Variants in ADCK1 observed in about 807,000 individuals in gnomAD.
The protein encoded by ADCK1 is aarF domain-containing protein kinase 1.
ADCK1 carries 41 observed loss-of-function variants against 52.3 expected under a neutral mutation model. That is an observed-to-expected ratio of 0.78 (90% CI 0.61 to 1.02). ADCK1 has a LOEUF of 1.02. Among genes scored for constraint, ADCK1 ranks in the 50% least tolerant of loss-of-function variants. The pLI is 0.00. For synonymous variants in ADCK1, 250 were observed against 274.6 expected, an observed-to-expected ratio of 0.91 and a Z score of 0.89; for missense variants, 658 against 679.5, an observed-to-expected ratio of 0.97 and a Z score of 0.35.
chr14:77,883,967 T>G (rs956044784), intron 4 of ADCK1, among the ~76,000 whole-genome samples: 1 of 152,200 alleles, frequency 6.6e-6, no homozygotes, highest in African/African-American at 2.4e-5. Context: ...CCTCTCGCCC[T>G]GGAGATTAGG....
intron 3 of ADCK1, among the ~76,000 whole-genome samples, chr14:77,828,549 A>G (rs1462589005): frequency 1.3e-5 from 2 of 152,126 alleles, no homozygotes; most frequent in Non-Finnish European, 2.9e-5. Flanking sequence ...TGTTATTATT[A>G]TTAAGATGGA....
chr14:77,813,139 A>T (rs2081369953), intron 1 of ADCK1, among the ~76,000 whole-genome samples: 1 of 150,380 alleles, frequency 6.6e-6, no homozygotes. Context: ...AGTAGCTGGG[A>T]TTATAGGCAT....
At chr14:77,861,777 C>A (rs1234120019) in intron 4 of ADCK1, among the ~76,000 whole-genome samples, 2 of 152,200 alleles carry the variant, frequency 1.3e-5, no homozygotes, top group Non-Finnish European at 2.9e-5. Flanking sequence ...TCAGACCCAT[C>A]CCTGTTGCAG....
chr14:77,857,109 T>C (rs893726173), intron 3 of ADCK1, among the ~76,000 whole-genome samples: 1 of 152,106 alleles, frequency 6.6e-6, no homozygotes, highest in Admixed American at 6.6e-5. Flanking sequence ...GGATGGGCCC[T>C]CTGGCTGCTG....
chr14:77,886,788 T>A (rs2083157150), intron 4 of ADCK1, among the ~76,000 whole-genome samples: 1 of 151,944 alleles, frequency 6.6e-6, no homozygotes, highest in African/African-American at 2.4e-5. Flanking sequence ...ACACCTGTAA[T>A]CCCAGCTACT....
chr14:77,910,964 G>C (rs971345279), intron 7 of ADCK1, among the ~76,000 whole-genome samples: 2 of 152,082 alleles, frequency 1.3e-5, no homozygotes, highest in Non-Finnish European at 2.9e-5. Flanking sequence ...ACCCTAGATT[G>C]GCCTCTACCA....
chr14:77,826,194 G>A lies in ADCK1; in HGVS notation c.219+3676G>A, dbSNP rs73319430. 9.6e-3 allele frequency among the ~76,000 whole-genome samples: 1,458 copies of A among 152,350 alleles called. 17 individuals are homozygous for A. Among genetic ancestry groups the A allele is most frequent in the African/African-American group, 0.033 (1,384 of 41,572 alleles). ...GTCTCTGGGAGTTGTGCCTGGGAAG[G>A]GGGAGCTGGCTGGCACTAAGAGCAT... On this transcript the variant is annotated intron_variant, in intron 3 of 10. Coordinates refer to ENST00000238561, the MANE Select transcript of ADCK1 (RefSeq NM_020421.4).
At chr14:77,822,329 C>T (rs989786881) in intron 2 of ADCK1, 106 bp from the exon 3 acceptor site, 5 of 881,264 alleles carry the variant, frequency 5.7e-6, no homozygotes, top group Admixed American at 1.8e-5. Context: ...CTGGCCACTC[C>T]CCCAGACATA....
intron 8 of ADCK1, among the ~76,000 whole-genome samples, chr14:77,925,515 C>T (rs2084168932): frequency 6.6e-6 from 1 of 152,200 alleles, no homozygotes; most frequent in African/African-American, 2.4e-5. Context: ...GGAGGCTGTA[C>T]CTGGGAAGAG....
chr14:77,909,768 T>C (rs1222382170), intron 7 of ADCK1, among the ~76,000 whole-genome samples: 1 of 152,204 alleles, frequency 6.6e-6, no homozygotes, highest in African/African-American at 2.4e-5. Context: ...ATATTATCTT[T>C]GGGCTCTGTT....
intron 3 of ADCK1, among the ~76,000 whole-genome samples, chr14:77,824,614 A>G (rs2081654529): frequency 6.6e-6 from 1 of 151,826 alleles, no homozygotes; most frequent in African/African-American, 2.4e-5. Flanking sequence ...TTGTATTTTT[A>G]GTAGAGACTG....
intron 3 of ADCK1, among the ~76,000 whole-genome samples, chr14:77,847,847 G>C (rs1226846903): frequency 1.3e-5 from 2 of 152,144 alleles, no homozygotes; most frequent in Non-Finnish European, 2.9e-5. Flanking sequence ...GTGTGTTCAT[G>C]AATTTGTTCC....
intron 3 of ADCK1, among the ~76,000 whole-genome samples, chr14:77,844,550 G>A (rs767204402): frequency 6.6e-6 from 1 of 152,174 alleles, no homozygotes; most frequent in Non-Finnish European, 1.5e-5. Flanking sequence ...GCAGTGTGGG[G>A]AGCCGGCCCC....
chr14:77,884,626 A>G (rs2083107236), intron 4 of ADCK1, among the ~76,000 whole-genome samples: 1 of 152,214 alleles, frequency 6.6e-6, no homozygotes, highest in Non-Finnish European at 1.5e-5. Context: ...GGCTGGATCA[A>G]GAGGCTCAAA....
At chr14:77,920,453 C>G (rs2084023149) in intron 7 of ADCK1, among the ~76,000 whole-genome samples, 2 of 152,142 alleles carry the variant, frequency 1.3e-5, no homozygotes, top group Non-Finnish European at 2.9e-5. Flanking sequence ...TTCCATCGGT[C>G]TACGTGCTTA....
intron 5 of ADCK1, among the ~76,000 whole-genome samples, chr14:77,889,957 G>C (rs1343238105): frequency 6.6e-6 from 1 of 152,082 alleles, no homozygotes; most frequent in Non-Finnish European, 1.5e-5. Context: ...ACATTGGGGG[G>C]TGAGCCCAAG....
At chr14:77,897,737 A>G (rs536677486) in intron 5 of ADCK1, among the ~76,000 whole-genome samples, 1 of 152,348 alleles carries the variant, frequency 6.6e-6, no homozygotes, top group South Asian at 2.1e-4. Flanking sequence ...AGAAAATAGT[A>G]TTATAAATGT....
At chr14:77,894,655 A>G (rs541334869) in intron 5 of ADCK1, among the ~76,000 whole-genome samples, 2 of 151,926 alleles carry the variant, frequency 1.3e-5, no homozygotes, top group East Asian at 3.9e-4. Context: ...TGTAGTAGGA[A>G]CTAAATAATG....
chr14:77,826,624 T>C (rs1358473130), intron 3 of ADCK1, among the ~76,000 whole-genome samples: 1 of 152,152 alleles, frequency 6.6e-6, no homozygotes, highest in Non-Finnish European at 1.5e-5. Flanking sequence ...CATACAGAAG[T>C]CATTGCTGGT....
Sources: gnomAD v4.1 joint callset for allele counts (sites outside exome capture counted in the v4.1 genomes callset) on GRCh38, gnomAD v4.1.1 for gene constraint, MANE v1.5 for transcripts, NCBI Gene and HGNC (gene_info 2026-07-23, HGNC 2026-07-21) for gene names.